Variants in FMN1 observed in about 807,000 individuals in gnomAD.
FMN1 encodes the protein formin-1.
FMN1 carries 110 observed loss-of-function variants against 132.4 expected under a neutral mutation model. The ratio of observed to expected loss-of-function variants is 0.83; its 90% CI spans 0.71 to 0.97. FMN1 has a LOEUF of 0.97. Ranked by LOEUF, FMN1 falls within the 50% of genes least tolerant of loss-of-function variation. The pLI is 0.00. For synonymous variants in FMN1, 722 were observed against 651.7 expected, an observed-to-expected ratio of 1.11 and a Z score of -1.64; for missense variants, 1,792 against 1,705.3, an observed-to-expected ratio of 1.05 and a Z score of -0.90.
rs751078258 is a variant in FMN1 at position 33,099,115 on chromosome 15, C to CA, written c.1868-10142dup. Among the ~76,000 whole-genome samples the CA allele has an allele frequency of 7.9e-5, 12 of 151,768 alleles. No individual in the cohort carries two copies. In the East Asian group the frequency reaches 2.1e-3, roughly 27 times the overall value. ...AACCCCATCTACAAAACTCCATCTA[C>CA]AAAAAAAAGACCCAATCTACAAAAA... On this transcript the variant is annotated intron_variant, in intron 4 of 20. Transcript: ENST00000616417.
At chr15:32,960,467 T>A (rs2030387278) in intron 9 of FMN1, among the ~76,000 whole-genome samples, 1 of 152,104 alleles carries the variant, frequency 6.6e-6, no homozygotes, top group African/African-American at 2.4e-5. Context: ...CCTTTTAAAA[T>A]TTTCCTTTAA....
intron 16 of FMN1, among the ~76,000 whole-genome samples, chr15:32,864,968 T>C (rs772308108): frequency 6.6e-6 from 1 of 152,132 alleles, no homozygotes; most frequent in Non-Finnish European, 1.5e-5. Context: ...TAGAAGAACG[T>C]TGAAAACATT....
At chr15:32,812,083 T>G (rs2057903023) in intron 17 of FMN1, among the ~76,000 whole-genome samples, 1 of 152,104 alleles carries the variant, frequency 6.6e-6, no homozygotes, top group South Asian at 2.1e-4. Flanking sequence ...CTTGGGCACC[T>G]GGGGCTGTTC....
At chr15:32,947,011 C>T (rs975077345) in intron 9 of FMN1, among the ~76,000 whole-genome samples, 1 of 152,176 alleles carries the variant, frequency 6.6e-6, no homozygotes, top group East Asian at 1.9e-4. Context: ...TTTTTATACT[C>T]TTCAAGGTGT....
At chr15:32,936,947 C>G (rs2061289444) in intron 9 of FMN1, among the ~76,000 whole-genome samples, 1 of 152,162 alleles carries the variant, frequency 6.6e-6, no homozygotes, top group Admixed American at 6.5e-5. Context: ...TCAGCAGTCT[C>G]CAGGCATCTA....
At chr15:33,052,798 C>T (rs896437876) in intron 6 of FMN1, among the ~76,000 whole-genome samples, 4 of 152,212 alleles carry the variant, frequency 2.6e-5, no homozygotes, top group African/African-American at 9.6e-5. Flanking sequence ...GATCCCCACC[C>T]TTCCCCTATT....
At position 32,964,273 on chromosome 15, in the gene FMN1, G is replaced by T; in HGVS notation, c.2988-16C>A. 6.5e-7 allele frequency: 1 copy of T among 1,546,552 alleles called. No individual in the cohort carries two copies. The highest frequency in any genetic ancestry group is 8.8e-7 in the Non-Finnish European group (1 of 1,141,592). ...AGCATTTTGGCTTAAAAGAGAAAAT[G>T]ACAAGTTAACCATAAGAACCAAAAC... is the stretch of plus-strand genomic sequence containing the variant. On this transcript the variant is annotated splice_polypyrimidine_tract_variant and intron_variant, in intron 8 of 20. Coordinates refer to ENST00000616417, the MANE Select transcript of FMN1 (RefSeq NM_001277313.2).
At chr15:33,065,421 G>A (rs1236215083) in intron 5 of FMN1, among the ~76,000 whole-genome samples, 1 of 152,160 alleles carries the variant, frequency 6.6e-6, no homozygotes, top group Non-Finnish European at 1.5e-5. Flanking sequence ...GTGCATTTAT[G>A]GGAATGTTTA....
intron 4 of FMN1, among the ~76,000 whole-genome samples, chr15:33,097,648 A>G (rs1054698930): frequency 3.3e-5 from 5 of 152,064 alleles, no homozygotes; most frequent in African/African-American, 1.2e-4. Flanking sequence ...GAGGGCAGAC[A>G]GAGAGATAAA....
At chr15:33,036,815 A>G (rs2036213721) in intron 6 of FMN1, among the ~76,000 whole-genome samples, 1 of 152,248 alleles carries the variant, frequency 6.6e-6, no homozygotes, top group Non-Finnish European at 1.5e-5. Flanking sequence ...ATTATCATCA[A>G]CGAAACATGA....
chr15:32,968,857 GGGT>G lies in FMN1; in HGVS notation c.2841_2843del (p.Pro949del). 1 of 1,517,832 alleles carries G rather than the reference GGGT, an allele frequency of 6.6e-7. No individual in the cohort carries two copies. Among genetic ancestry groups the G allele is most frequent in the Non-Finnish European group, 9.1e-7 (1 of 1,100,510 alleles). The allele number at this position is 1,517,832 out of a possible 1,614,324, so 94.0% of individuals were successfully genotyped here. On this transcript the variant is annotated inframe_deletion, in exon 8 of 21. Transcript: ENST00000616417. ...GGGGAGGTGGGGGTGCAAGTCCTGG[GGGT>G]GGTGGAGCAGGAGGAGGCCCTCCAG...
chr15:33,141,061 T>G (rs1021823182), intron 4 of FMN1, among the ~76,000 whole-genome samples: 1 of 152,192 alleles, frequency 6.6e-6, no homozygotes, highest in African/African-American at 2.4e-5. Context: ...TGGATGCTAA[T>G]TATCAGTCAT....
chr15:33,003,847 T>C (rs2034256629), intron 7 of FMN1, among the ~76,000 whole-genome samples: 1 of 152,102 alleles, frequency 6.6e-6, no homozygotes, highest in African/African-American at 2.4e-5. Flanking sequence ...AAAACAGAGA[T>C]ATAGATCAAT....
At position 33,090,373 on chromosome 15, in the gene FMN1, T is replaced by C. The variant is rs1262322484; in HGVS notation, c.1868-1399A>G. On this transcript the variant is annotated intron_variant, in intron 4 of 20. Coordinates refer to ENST00000616417, the MANE Select transcript of FMN1 (RefSeq NM_001277313.2). ...ATAGCATGCTTATATTAGAGTAGCATTTTAGAAGGAAGAAAATTTGAAAAC... is the reference window on the plus strand; with the variant it reads ...ATAGCATGCTTATATTAGAGTAGCACTTTAGAAGGAAGAAAATTTGAAAAC... Among the ~76,000 whole-genome samples the C allele has an allele frequency of 1.8e-4, 27 of 152,172 alleles. 1 individual carries two copies. The highest frequency in any genetic ancestry group is 1.6e-3 in the Admixed American group (25 of 15,276).
intron 5 of FMN1, chr15:33,067,147 T>C: frequency 1.2e-6 from 2 of 1,613,976 alleles, no homozygotes; most frequent in African/African-American, 1.3e-5. Flanking sequence ...TCTGGTTTGT[T>C]ACTGCAGGTA....
At position 33,152,077 on chromosome 15, in the gene FMN1, A is replaced by G. The variant is rs565722606; in HGVS notation, c.1867+971T>C. On this transcript the variant is annotated intron_variant, in intron 4 of 20. Coordinates refer to ENST00000616417, the MANE Select transcript of FMN1 (RefSeq NM_001277313.2). ...TAACCTGTAAGAGACTGTCTATCAT[A>G]TTAGGAGCTATTCCCTAGAAAAAGC... 5.9e-5 allele frequency among the ~76,000 whole-genome samples: 9 copies of G among 152,346 alleles called. No individual in the cohort carries two copies. The East Asian group carries it at 9.6e-4, about 16-fold the overall frequency.
chr15:32,855,976 G>A (rs1025405696), intron 17 of FMN1, among the ~76,000 whole-genome samples: 4 of 152,182 alleles, frequency 2.6e-5, no homozygotes, highest in Admixed American at 2.6e-4. Context: ...TAATGGCTGA[G>A]AGAGAAATCT....
chr15:33,117,934 C>A (rs1022922431), intron 4 of FMN1, among the ~76,000 whole-genome samples: 1 of 152,024 alleles, frequency 6.6e-6, no homozygotes, highest in Non-Finnish European at 1.5e-5. Flanking sequence ...AGTGGCAGTA[C>A]GGAAGAGAAA....
intron 4 of FMN1, among the ~76,000 whole-genome samples, chr15:33,114,591 C>G (rs1177546124): frequency 6.6e-6 from 1 of 152,158 alleles, no homozygotes; most frequent in Non-Finnish European, 1.5e-5. Flanking sequence ...GCGAGTCTCT[C>G]CTCGTCTCAT....
Sources: allele counts gnomAD v4.1 joint callset (sites outside exome capture counted in the v4.1 genomes callset), GRCh38; gene constraint gnomAD v4.1.1; transcripts MANE v1.5; gene names NCBI Gene and HGNC (gene_info 2026-07-23, HGNC 2026-07-21).